The following ZNF362 variants were observed in gnomAD, a reference collection of about 807,000 sequenced individuals.
ZNF362 encodes the protein zinc finger protein 362.
ZNF362 carries 11 observed loss-of-function variants against 42.9 expected under a neutral mutation model. The ratio of observed to expected loss-of-function variants is 0.26; its 90% CI spans 0.16 to 0.42. The LOEUF is 0.42. Among genes scored for constraint, ZNF362 ranks in the 20% least tolerant of loss-of-function variants. The probability of loss-of-function intolerance (pLI) is 1.00; values close to 1 mark genes in which losing one functional copy is unlikely to be tolerated. For missense variants in ZNF362, 362 were observed against 576.2 expected, an observed-to-expected ratio of 0.63 and a Z score of 3.81; for synonymous variants, 255 against 257.3, an observed-to-expected ratio of 0.99 and a Z score of 0.09.
At chr1:33,135,147 G>A in the ZNF362 span, among the ~76,000 whole-genome samples, 3 of 152,230 alleles carry the variant, frequency 2.0e-5, no homozygotes, top group African/African-American at 7.2e-5. Flanking sequence ...AAATTTAGCC[G>A]GGCATGGTGG....
chr1:33,159,579 G>T, the ZNF362 span: 1 of 1,411,508 alleles, frequency 7.1e-7, no homozygotes, highest in Non-Finnish European at 9.4e-7. The surrounding 1 kb of genome is among the most constrained non-coding windows in gnomAD (Gnocchi z 4.2). Context: ...ATGAAGATTT[G>T]AATGAAAGAA....
At chr1:33,196,450 C>T in the ZNF362 span, among the ~76,000 whole-genome samples, 1 of 152,064 alleles carries the variant, frequency 6.6e-6, no homozygotes, top group East Asian at 1.9e-4. Context: ...CCTAGGCCCA[C>T]ACAGGGTCAA....
the ZNF362 span, among the ~76,000 whole-genome samples, chr1:33,209,764 G>A: frequency 6.6e-6 from 1 of 152,128 alleles, no homozygotes; most frequent in African/African-American, 2.4e-5. Context: ...GGGATCGGTG[G>A]TGATATCCCC....
intron 1 of ZNF362, chr1:33,261,574 C>G (rs923699108): frequency 6.6e-6 from 1 of 152,184 alleles, no homozygotes; most frequent in Non-Finnish European, 1.5e-5. Context: ...GAGTTCCTAT[C>G]TCTTTAGCCT....
At chr1:33,240,208 A>G in the ZNF362 span, among the ~76,000 whole-genome samples, 1 of 152,194 alleles carries the variant, frequency 6.6e-6, no homozygotes, top group Non-Finnish European at 1.5e-5. Context: ...CACAGCCTAT[A>G]TTGGAACAAA....
At chr1:33,200,380 A>G in the ZNF362 span, 1 of 152,170 alleles carries the variant, frequency 6.6e-6, no homozygotes, top group Non-Finnish European at 1.5e-5. Context: ...AGGCAGAAAA[A>G]GAGAAAAAAT....
At chr1:33,222,409 T>A in the ZNF362 span, among the ~76,000 whole-genome samples, 2 of 152,208 alleles carry the variant, frequency 1.3e-5, no homozygotes, top group African/African-American at 4.8e-5. Context: ...GCATCTCTCA[T>A]CTACATTACT....
chr1:33,221,528 A>G, the ZNF362 span, among the ~76,000 whole-genome samples: 1 of 152,368 alleles, frequency 6.6e-6, no homozygotes, highest in Non-Finnish European at 1.5e-5. Flanking sequence ...TGCCCAAACT[A>G]TACCAGGCAT....
chr1:33,280,036 C>T lies in ZNF362; in HGVS notation c.350-88C>T, dbSNP rs188706593. On this transcript the variant is annotated intron_variant, in intron 4 of 8. Coordinates refer to ENST00000539719, the MANE Select transcript of ZNF362 (RefSeq NM_152493.3). The surrounding 1 kb of genome is among the most constrained non-coding windows in gnomAD (Gnocchi z 5.6). ...AACTTATGAACGTTAAGGGGATGCTCGCCTGCCAAAATCACATAGCTGGGT... is the reference window on the plus strand; with the variant it reads ...AACTTATGAACGTTAAGGGGATGCTTGCCTGCCAAAATCACATAGCTGGGT... The T allele has an allele frequency of 2.1e-4, 310 of 1,453,156 alleles. 7 individuals are homozygous for T. The highest frequency in any genetic ancestry group is 1.9e-3 in the East Asian group (80 of 42,000). 90.0% of individuals were successfully genotyped at this position (1,453,156 alleles called of 1,614,324 possible).
the ZNF362 span, among the ~76,000 whole-genome samples, chr1:33,214,459 C>G: frequency 6.6e-6 from 1 of 152,152 alleles, no homozygotes. Flanking sequence ...AATAATACCT[C>G]AAAGGCACAG....
rs143278953 is a variant in ZNF362 at position 33,281,677 on chromosome 1, G to A, written c.774G>A (p.Pro258=). 81 of 1,614,094 alleles carry A rather than the reference G, an allele frequency of 5.0e-5. No individual in the cohort carries two copies. The highest frequency in any genetic ancestry group is 1.6e-4 in the South Asian group (15 of 91,088). Residue 258 remains proline, a synonymous_variant, in exon 6 of 9, where the codon CCG becomes CCA. Transcript: ENST00000539719. The surrounding 1 kb of genome is among the most constrained non-coding windows in gnomAD (Gnocchi z 4.8). ...CAGAGGCCAAGCCCCACAAGTGCCCGCACTGCTCCAAGTCCTTTGCCAACG... is the reference window on the plus strand; with the variant it reads ...CAGAGGCCAAGCCCCACAAGTGCCCACACTGCTCCAAGTCCTTTGCCAACG... ...SHTEAKPHKC[P]HCSKSFANAS...
Position 33,280,203 on chromosome 1 carries a change from C to G in ZNF362, c.429C>G (p.Ser143Arg), listed in dbSNP as rs1322784127. Residue 143 changes from serine to arginine, a missense_variant, in exon 5 of 9, where the codon AGC (serine) becomes AGG (arginine). By Grantham distance (110) the Ser-to-Arg change is moderately radical. Coordinates refer to ENST00000539719, the MANE Select transcript of ZNF362 (RefSeq NM_152493.3). The surrounding 1 kb of genome is among the most constrained non-coding windows in gnomAD (Gnocchi z 5.6). ...GCGCGGGCACGGGCACGGGTACCAGCACCCCGTCCACACCCACCACCACCA... is the reference window on the plus strand; with the variant it reads ...GCGCGGGCACGGGCACGGGTACCAGGACCCCGTCCACACCCACCACCACCA... ...SAGAGTGTGT[S>R]TPSTPTTTSQ... 6.2e-7 allele frequency: 1 copy of G among 1,613,522 alleles called. No homozygotes were observed.
chr1:33,293,323 G>A lies in ZNF362; in HGVS notation c.909-1614G>A, dbSNP rs560975549. ...GGAAGAATCATTATCTGACCAGGAC[G>A]TAGGGTGCGTACGAGCAGGGAGGGG... On this transcript the variant is annotated intron_variant, in intron 6 of 8. Transcript: ENST00000539719. 2.2e-4 allele frequency among the ~76,000 whole-genome samples: 33 copies of A among 152,312 alleles called. No individual in the cohort carries two copies. In the South Asian group the frequency reaches 3.1e-3, roughly 14 times the overall value.
the ZNF362 span, among the ~76,000 whole-genome samples, chr1:33,201,073 T>C: frequency 2.6e-5 from 4 of 152,360 alleles, no homozygotes; most frequent in East Asian, 7.7e-4. Flanking sequence ...ATAATTTTTT[T>C]TTTGTTTAAG....
chr1:33,240,966 C>A, the ZNF362 span, among the ~76,000 whole-genome samples: 1 of 152,142 alleles, frequency 6.6e-6, no homozygotes, highest in African/African-American at 2.4e-5. Context: ...ATGATTGCAC[C>A]ACACGAAGCT....
the ZNF362 span, among the ~76,000 whole-genome samples, chr1:33,156,354 A>G: frequency 2.6e-5 from 4 of 152,206 alleles, no homozygotes; most frequent in African/African-American, 4.8e-5. Flanking sequence ...GCTCCACCCA[A>G]CCAGCTCTCA....
the ZNF362 span, among the ~76,000 whole-genome samples, chr1:33,224,517 T>C: frequency 9.8e-4 from 150 of 152,304 alleles, no homozygotes; most frequent in Non-Finnish European, 1.8e-3. Flanking sequence ...TTGGAAGGGA[T>C]CTATAATTGC....
At chr1:33,138,610 T>TCAA in the ZNF362 span, among the ~76,000 whole-genome samples, 492 of 127,132 alleles carry the variant, frequency 3.9e-3, 2 homozygotes, top group African/African-American at 0.015. Flanking sequence ...AGATCCTGTC[T>TCAA]CAACAACAAC....
rs1011299999 is a variant in ZNF362, at chr1:33,291,646, T to A, written c.909-3291T>A. ...TTGGGATGACATTGAATCTATAAAT[T>A]ACCTTGGGCAGTATGGCCATTTTCA... On this transcript the variant is annotated intron_variant, in intron 6 of 8. Transcript: ENST00000539719. Among the ~76,000 whole-genome samples, 4 of 152,250 alleles carry A rather than the reference T, an allele frequency of 2.6e-5. No homozygotes were observed. The East Asian group carries it at 7.7e-4, about 29-fold the overall frequency.
Sources: allele counts gnomAD v4.1 joint callset (sites outside exome capture counted in the v4.1 genomes callset), GRCh38; gene constraint gnomAD v4.1.1; non-coding constraint Gnocchi (gnomAD v3.1); transcripts MANE v1.5; gene names NCBI Gene and HGNC (gene_info 2026-07-23, HGNC 2026-07-21).